Variants in AGAP1 observed in about 807,000 individuals in gnomAD.
AGAP1 encodes ArfGAP with GTPase domain, ankyrin repeat and PH domain 1, also known as arf-GAP with GTPase, ANK repeat and PH domain-containing protein 1.
In AGAP1, 29 loss-of-function variants were observed where a neutral mutation model predicts 105.3. The ratio of observed to expected loss-of-function variants is 0.28; its 90% CI spans 0.21 to 0.38. The LOEUF is 0.38. AGAP1 is among the 10% of genes least tolerant of loss of function. The probability of loss-of-function intolerance (pLI) is 1.00; values close to 1 mark genes in which losing one functional copy is unlikely to be tolerated. For missense variants in AGAP1, 998 were observed against 1,165.1 expected (o/e 0.86, Z 2.09); for synonymous variants, 509 against 485.9 (o/e 1.05, Z -0.63).
At position 235,887,535 on chromosome 2, in the gene AGAP1, A is replaced by G. The variant is rs2050327241; in HGVS notation, c.1155+4086A>G. On this transcript the variant is annotated intron_variant, in intron 10 of 17. Coordinates refer to ENST00000304032, the MANE Select transcript of AGAP1 (RefSeq NM_001037131.3). This position sits in a 1 kb window ranked among gnomAD's most constrained non-coding sequence, Gnocchi z 4.1. ...GGAAAATGTTATCTGGTTTCTGAGAACACTATTCTCATCCACCTTTTCTCT... is the reference window on the plus strand; with the variant it reads ...GGAAAATGTTATCTGGTTTCTGAGAGCACTATTCTCATCCACCTTTTCTCT... 6.6e-6 allele frequency among the ~76,000 whole-genome samples: 1 copy of G among 152,192 alleles called. No individual in the cohort carries two copies. The highest frequency in any genetic ancestry group is 2.4e-5 in the African/African-American group (1 of 41,446).
At position 235,578,034 on chromosome 2, in the gene AGAP1, G is replaced by T. The variant is rs750734099; in HGVS notation, c.163+83185G>T. ...GGTCCCGCCATCAGGACTTCCCCTC[G>T]TGAGGAGCTGGGTACCACTGTTATC... is the stretch of plus-strand genomic sequence containing the variant. On this transcript the variant is annotated intron_variant, in intron 1 of 17. Transcript: ENST00000304032. The surrounding 1 kb of genome is among the most constrained non-coding windows in gnomAD (Gnocchi z 4.9). Among the ~76,000 whole-genome samples, 2 of 152,118 alleles carry T rather than the reference G, an allele frequency of 1.3e-5. No individual in the cohort carries two copies. Among genetic ancestry groups the T allele is most frequent in the Non-Finnish European group, 2.9e-5 (2 of 68,008 alleles).
rs898402975 is a variant in AGAP1 at position 235,789,378 on chromosome 2, A to G, written c.674-8381A>G. ...AGTCGGCATTTAAATCCCCCGATTA[A>G]TAGGAGCAATTAAACAATAGCTTCA... is the stretch of plus-strand genomic sequence containing the variant. On this transcript the variant is annotated intron_variant, in intron 6 of 17. Coordinates refer to ENST00000304032, the MANE Select transcript of AGAP1 (RefSeq NM_001037131.3). The surrounding 1 kb of genome is among the most constrained non-coding windows in gnomAD (Gnocchi z 4.2). Among the ~76,000 whole-genome samples, 5 of 152,242 alleles carry G rather than the reference A, an allele frequency of 3.3e-5. No individual in the cohort carries two copies. The highest frequency in any genetic ancestry group is 4.8e-5 in the African/African-American group (2 of 41,456).
In AGAP1 at chr2:236,083,920, C is replaced by T. The variant is rs865931825; in HGVS notation, c.2114+34639C>T. 1.2e-4 allele frequency among the ~76,000 whole-genome samples: 18 copies of T among 152,280 alleles called. No homozygotes were observed. ...ACACGTGCACACATACACACACAGG[C>T]ACACATATGCACACACCAAGGTTCT... On this transcript the variant is annotated intron_variant, in intron 16 of 17. Coordinates refer to ENST00000304032, the MANE Select transcript of AGAP1 (RefSeq NM_001037131.3). This position sits in a 1 kb window ranked among gnomAD's most constrained non-coding sequence, Gnocchi z 5.3.
intron 8 of AGAP1, among the ~76,000 whole-genome samples, chr2:235,805,779 T>TAACC (rs2150084773): frequency 6.6e-6 from 1 of 152,276 alleles, no homozygotes; most frequent in South Asian, 2.1e-4. Flanking sequence ...TAACCTTACG[T>TAACC]TTTATATTCT....
At chr2:236,034,968 C>T (rs2125655139) in intron 13 of AGAP1, among the ~76,000 whole-genome samples, 1 of 152,302 alleles carries the variant, frequency 6.6e-6, no homozygotes, top group Non-Finnish European at 1.5e-5. Context: ...ACAAAGAGGG[C>T]TGCATATCCA....
chr2:236,015,773 C>CT (rs1235611999), intron 13 of AGAP1, among the ~76,000 whole-genome samples: 2 of 152,200 alleles, frequency 1.3e-5, no homozygotes, highest in East Asian at 3.9e-4. Context: ...AGCTCGTGCC[C>CT]TAACACTAAT....
intron 9 of AGAP1, among the ~76,000 whole-genome samples, chr2:235,870,345 T>G (rs2049376907): frequency 6.6e-6 from 1 of 152,068 alleles, no homozygotes; most frequent in South Asian, 2.1e-4. Flanking sequence ...GCAGATACCC[T>G]TATTCTAAAA....
rs1193888450 is a variant in AGAP1 at position 235,877,981 on chromosome 2, C to G, written c.1051-5364C>G. On this transcript the variant is annotated intron_variant, in intron 9 of 17. Transcript: ENST00000304032. The surrounding 1 kb of genome is among the most constrained non-coding windows in gnomAD (Gnocchi z 4.3). ...ACACCTATGGCAGGGCCCAGACATT[C>G]AGGCACCTCCAGGGCCAGGCAGGAA... Among the ~76,000 whole-genome samples the G allele has an allele frequency of 6.6e-6, 1 of 152,236 alleles. No homozygotes were observed. The highest frequency in any genetic ancestry group is 2.4e-5 in the African/African-American group (1 of 41,472).
In AGAP1 at chr2:235,608,662, C is replaced by T. The variant is rs1226854673; in HGVS notation, c.164-100517C>T. Reference sequence around the variant, plus strand: ...GAAAACAGTGGAGCCAAGAGAGGAACGAGGTCTCTGGATTCCGGACGCCCT... The same window carrying T: ...GAAAACAGTGGAGCCAAGAGAGGAATGAGGTCTCTGGATTCCGGACGCCCT... On this transcript the variant is annotated intron_variant, in intron 1 of 17. Transcript: ENST00000304032. This position sits in a 1 kb window ranked among gnomAD's most constrained non-coding sequence, Gnocchi z 5.4. Among the ~76,000 whole-genome samples the T allele has an allele frequency of 3.3e-5, 5 of 152,300 alleles. No homozygotes were observed. Among genetic ancestry groups the T allele is most frequent in the East Asian group, 1.9e-4 (1 of 5,176 alleles).
intron 1 of AGAP1, among the ~76,000 whole-genome samples, chr2:235,572,674 T>C (rs749471407): frequency 2.0e-5 from 3 of 152,168 alleles, no homozygotes; most frequent in Non-Finnish European, 4.4e-5. Flanking sequence ...AACTTCCCCA[T>C]CACCTTGGCT....
intron 1 of AGAP1, chr2:235,670,068 T>G (rs1432845729): frequency 7.6e-5 from 31 of 405,822 alleles, no homozygotes; most frequent in Non-Finnish European, 1.1e-4. Context: ...GCGGGCTCGC[T>G]GGATGCGGCG....
chr2:235,973,849 G>A lies in AGAP1; in HGVS notation c.1645+5226G>A, dbSNP rs1043136673. On this transcript the variant is annotated intron_variant, in intron 13 of 17. Transcript: ENST00000304032. The surrounding 1 kb of genome is among the most constrained non-coding windows in gnomAD (Gnocchi z 4.7). Reference sequence around the variant, plus strand: ...GGGCTCTAGAAGGTGATTGCACCACGGCCCTGGATTCCCAACCAGGTCCAA... The same window carrying A: ...GGGCTCTAGAAGGTGATTGCACCACAGCCCTGGATTCCCAACCAGGTCCAA... 1.3e-5 allele frequency among the ~76,000 whole-genome samples: 2 copies of A among 152,178 alleles called. No homozygotes were observed. The highest frequency in any genetic ancestry group is 2.4e-5 in the African/African-American group (1 of 41,434).
At position 235,596,707 on chromosome 2, in the gene AGAP1, C is replaced by T. The variant is rs1008380220; in HGVS notation, c.163+101858C>T. ...TAGAAGAGAAACCTCGGAGGTCAAT[C>T]AGCTTTCACTCTTCCTCTCTTGTGC... On this transcript the variant is annotated intron_variant, in intron 1 of 17. Transcript: ENST00000304032. This position sits in a 1 kb window ranked among gnomAD's most constrained non-coding sequence, Gnocchi z 5.9. Among the ~76,000 whole-genome samples the T allele has an allele frequency of 1.8e-4, 27 of 152,192 alleles. No homozygotes were observed. The highest frequency in any genetic ancestry group is 1.0e-4 in the Non-Finnish European group (7 of 68,024).
rs1411112025 is a variant in AGAP1 at position 235,723,808 on chromosome 2, C to G, written c.310+6164C>G. ...TTGGTTGGTTGGTTGGTTGGTCGAT[C>G]GACAGAGACTTAAGAATGTTCATAG... On this transcript the variant is annotated intron_variant, in intron 3 of 17. Transcript: ENST00000304032. This position sits in a 1 kb window ranked among gnomAD's most constrained non-coding sequence, Gnocchi z 6.2. Among the ~76,000 whole-genome samples the G allele has an allele frequency of 3.1e-5, 4 of 129,756 alleles. No homozygotes were observed. The highest frequency in any genetic ancestry group is 1.1e-4 in the African/African-American group (4 of 35,316). 85.1% of individuals were successfully genotyped at this position (129,756 alleles called of 152,430 possible).
rs1437656829 is a variant in AGAP1, at chr2:235,744,880, A to G, written c.538+41A>G. 3 of 1,605,836 alleles carry G rather than the reference A, an allele frequency of 1.9e-6. No individual in the cohort carries two copies. In the African/African-American group the frequency reaches 4.0e-5, roughly 22 times the overall value. On this transcript the variant is annotated intron_variant, in intron 5 of 17. Coordinates refer to ENST00000304032, the MANE Select transcript of AGAP1 (RefSeq NM_001037131.3). The surrounding 1 kb of genome is among the most constrained non-coding windows in gnomAD (Gnocchi z 5.2). Reference sequence around the variant, plus strand: ...GTGCAGATTGTTTTGAAAGGGTTCTAACAGTTACATATTTTCAGTATGGAG... The same window carrying G: ...GTGCAGATTGTTTTGAAAGGGTTCTGACAGTTACATATTTTCAGTATGGAG...
intron 13 of AGAP1, among the ~76,000 whole-genome samples, chr2:235,975,491 G>A (rs2054822104): frequency 6.6e-6 from 1 of 152,118 alleles, no homozygotes; most frequent in African/African-American, 2.4e-5. Flanking sequence ...AGGGCAGTGT[G>A]CTTGTTTTGT....
rs1430527683 is a variant in AGAP1, at chr2:236,001,609, A to G, written c.1645+32986A>G. 1.3e-5 allele frequency among the ~76,000 whole-genome samples: 2 copies of G among 152,134 alleles called. No individual in the cohort carries two copies. Among genetic ancestry groups the G allele is most frequent in the African/African-American group, 4.8e-5 (2 of 41,420 alleles). On this transcript the variant is annotated intron_variant, in intron 13 of 17. Coordinates refer to ENST00000304032, the MANE Select transcript of AGAP1 (RefSeq NM_001037131.3). This position sits in a 1 kb window ranked among gnomAD's most constrained non-coding sequence, Gnocchi z 4.7. ...GCTGAAAGAGTTAATATGGGAAGTG[A>G]GAGGACACAGAGGCCAGGGCCGGGA...
In AGAP1 at chr2:235,841,584, C is replaced by G. The variant is rs1307366616; in HGVS notation, c.1050+34253C>G. On this transcript the variant is annotated intron_variant, in intron 9 of 17. Coordinates refer to ENST00000304032, the MANE Select transcript of AGAP1 (RefSeq NM_001037131.3). The stretch of plus-strand genomic sequence containing the variant: ...GGTTGAGGCTGCAGTGAACTGTGAT[C>G]TCGCCACTGCACTCCAGTGTGAGCT... Among the ~76,000 whole-genome samples, 4 of 152,294 alleles carry G rather than the reference C, an allele frequency of 2.6e-5. No homozygotes were observed. The East Asian group carries it at 7.7e-4, about 29-fold the overall frequency.
chr2:235,706,480 G>A (rs371356392), intron 1 of AGAP1, among the ~76,000 whole-genome samples: 3 of 151,826 alleles, frequency 2.0e-5, no homozygotes, highest in East Asian at 3.9e-4. Flanking sequence ...CGCCCGCCTC[G>A]GCCTCCCAAA....
Sources: gnomAD v4.1 joint callset for allele counts (sites outside exome capture counted in the v4.1 genomes callset) on GRCh38, gnomAD v4.1.1 for gene constraint, Gnocchi (gnomAD v3.1) non-coding constraint, MANE v1.5 for transcripts, NCBI Gene and HGNC (gene_info 2026-07-23, HGNC 2026-07-21) for gene names.